The following NHSL1 variants were observed in gnomAD, a reference collection of about 807,000 sequenced individuals.
NHSL1 encodes NHS like 1.
Under a neutral mutation model 95.0 loss-of-function variants are expected in NHSL1, and 48 were observed. That is an observed-to-expected ratio of 0.51 (90% CI 0.40 to 0.64). The LOEUF is 0.64. Among genes scored for constraint, NHSL1 ranks in the 30% least tolerant of loss-of-function variants. NHSL1 has a pLI of 0.00. For synonymous variants in NHSL1, 783 were observed against 833.9 expected (o/e 0.94, Z 1.05); for missense variants, 1,971 against 2,077.7 (o/e 0.95, Z 1.00).
chr6:138,625,462 C>T (rs1053012128), intron 1 of NHSL1, among the ~76,000 whole-genome samples: 3 of 151,972 alleles, frequency 2.0e-5, no homozygotes, highest in Non-Finnish European at 2.9e-5. Flanking sequence ...GCTTTTCCAG[C>T]GTTTAGGTCT....
At chr6:138,427,873 T>C (rs993328086) in intron 7 of NHSL1, among the ~76,000 whole-genome samples, 1 of 152,236 alleles carries the variant, frequency 6.6e-6, no homozygotes. Flanking sequence ...TAATTTATTC[T>C]CAACGCTACA....
chr6:138,659,046 C>CT (rs771033274), intron 1 of NHSL1, among the ~76,000 whole-genome samples: 18,640 of 117,782 alleles, frequency 0.16, 1,995 homozygotes, highest in Middle Eastern at 0.22. Context: ...TGTGGACTAT[C>CT]TTTTTTTTTT....
intron 3 of NHSL1, among the ~76,000 whole-genome samples, chr6:138,467,432 G>A (rs555571553): frequency 9.3e-4 from 141 of 152,300 alleles, no homozygotes; most frequent in African/African-American, 3.2e-3. Context: ...GATTACAGGC[G>A]TAAGCCACCA....
At chr6:138,688,111 C>T (rs1785611262) in intron 1 of NHSL1, among the ~76,000 whole-genome samples, 1 of 152,010 alleles carries the variant, frequency 6.6e-6, no homozygotes. Flanking sequence ...GCCCCTATGC[C>T]CAGCTAATTT....
chr6:138,460,362 T>A (rs1411938704), intron 3 of NHSL1, among the ~76,000 whole-genome samples: 1 of 149,956 alleles, frequency 6.7e-6, no homozygotes, highest in Non-Finnish European at 1.5e-5. Flanking sequence ...ATGATATACA[T>A]CAGCCCTCTA....
intron 3 of NHSL1, among the ~76,000 whole-genome samples, chr6:138,463,146 C>G (rs1195950570): frequency 6.6e-6 from 1 of 152,158 alleles, no homozygotes; most frequent in Admixed American, 6.5e-5. Context: ...TGGTCCCAGC[C>G]ACCCTTGGCT....
At chr6:138,487,327 G>C (rs920154804) in intron 2 of NHSL1, among the ~76,000 whole-genome samples, 7 of 152,174 alleles carry the variant, frequency 4.6e-5, no homozygotes, top group Admixed American at 2.0e-4. Context: ...ACCCAGTGTT[G>C]AGGCTTAATA....
At chr6:138,441,938 G>T (rs368102257) in intron 5 of NHSL1, 45 bp downstream of exon 5, 1 of 1,515,868 alleles carries the variant, frequency 6.6e-7, no homozygotes, top group South Asian at 1.3e-5. Context: ...CAGTAAGGCC[G>T]AGCAGCAGTG....
At chr6:138,504,800 C>T (rs1780874101) in intron 1 of NHSL1, among the ~76,000 whole-genome samples, 1 of 152,192 alleles carries the variant, frequency 6.6e-6, no homozygotes, top group African/African-American at 2.4e-5. Context: ...CCACAATCCA[C>T]ACAAAATGTG....
chr6:138,506,733 G>C (rs1583322927), intron 1 of NHSL1, among the ~76,000 whole-genome samples: 1 of 152,104 alleles, frequency 6.6e-6, no homozygotes, highest in African/African-American at 2.4e-5. Context: ...CCATTGGTTA[G>C]TAATAAAGAT....
chr6:138,658,655 T>C (rs533771709), intron 1 of NHSL1, among the ~76,000 whole-genome samples: 1 of 152,208 alleles, frequency 6.6e-6, no homozygotes, highest in African/African-American at 2.4e-5. Context: ...AACATGGGAG[T>C]GCAGGTATCT....
chr6:138,604,667 C>T (rs2114572987), intron 1 of NHSL1, among the ~76,000 whole-genome samples: 1 of 152,216 alleles, frequency 6.6e-6, no homozygotes, highest in Non-Finnish European at 1.5e-5. Context: ...ACACTGTCGC[C>T]CAGGCTGGAG....
chr6:138,518,215 G>A (rs1318269602), intron 1 of NHSL1, among the ~76,000 whole-genome samples: 3 of 152,148 alleles, frequency 2.0e-5, no homozygotes, highest in Admixed American at 2.0e-4. Context: ...TGAACTTCCT[G>A]AATCAGAAAC....
chr6:138,689,079 C>T (rs1785625780), intron 1 of NHSL1, among the ~76,000 whole-genome samples: 1 of 152,206 alleles, frequency 6.6e-6, no homozygotes, highest in African/African-American at 2.4e-5. Flanking sequence ...TCAAAAGATC[C>T]ATCCTCCTTC....
chr6:138,509,396 G>T (rs550780426), intron 1 of NHSL1, among the ~76,000 whole-genome samples: 11 of 152,254 alleles, frequency 7.2e-5, no homozygotes, highest in Admixed American at 4.6e-4. Flanking sequence ...GAGCTCCCTC[G>T]TATTTTTAAA....
chr6:138,494,648 TG>T (rs1780246066), intron 2 of NHSL1, among the ~76,000 whole-genome samples: 1 of 152,186 alleles, frequency 6.6e-6, no homozygotes, highest in African/African-American at 2.4e-5. Flanking sequence ...AGATTTTCCT[TG>T]AATCAATGAC....
intron 1 of NHSL1, among the ~76,000 whole-genome samples, chr6:138,618,977 C>T (rs1010621399): frequency 3.3e-5 from 5 of 152,288 alleles, no homozygotes; most frequent in African/African-American, 2.4e-5. Flanking sequence ...GAGTTCCTAC[C>T]ATTTCCTCTG....
At position 138,563,731 on chromosome 6, in the gene NHSL1, G is replaced by A. The variant is rs558155025; in HGVS notation, c.202+7979C>T. 1.1e-4 allele frequency among the ~76,000 whole-genome samples: 16 copies of A among 152,300 alleles called. No homozygotes were observed. The South Asian group carries it at 2.5e-3, about 24-fold the overall frequency. ...GAGGAGGAAGCACAAGGAGGCAATGGGGTAAGGGAAGCAGCATGTATAGGG... is the reference window on the plus strand; with the variant it reads ...GAGGAGGAAGCACAAGGAGGCAATGAGGTAAGGGAAGCAGCATGTATAGGG... On this transcript the variant is annotated intron_variant, in intron 1 of 6. Transcript: ENST00000427025.
chr6:138,547,172 G>A (rs111947994), upstream of NHSL1, among the ~76,000 whole-genome samples: 1,033 of 152,196 alleles, frequency 6.8e-3, 9 homozygotes, highest in African/African-American at 0.019. Context: ...TCAACATACG[G>A]TGCAGCATAT....
Sources: allele counts gnomAD v4.1 joint callset (sites outside exome capture counted in the v4.1 genomes callset), GRCh38; gene constraint gnomAD v4.1.1; transcripts MANE v1.5; gene names NCBI Gene and HGNC (gene_info 2026-07-23, HGNC 2026-07-21).